NDE1: variants seen among roughly 807,000 people sequenced by gnomAD.
NDE1 encodes the protein nuclear distribution protein nudE homolog 1.
In NDE1, 28 loss-of-function variants were observed where a neutral mutation model predicts 43.4. That is an observed-to-expected ratio of 0.65 (90% CI 0.48 to 0.89). The LOEUF is 0.89. Among genes scored for constraint, NDE1 ranks in the 40% least tolerant of loss-of-function variants. The pLI is 0.00. For synonymous variants in NDE1, 184 were observed against 172.0 expected, an observed-to-expected ratio of 1.07 and a Z score of -0.55; for missense variants, 441 against 434.1, an observed-to-expected ratio of 1.02 and a Z score of -0.14.
intron 1 of NDE1, among the ~76,000 whole-genome samples, chr16:15,644,964 G>A (rs1266605094): frequency 6.9e-6 from 1 of 143,902 alleles, no homozygotes; most frequent in Admixed American, 7.1e-5. Context: ...TCATTGCCCA[G>A]GCTGGAGTGC....
At chr16:15,719,970 C>T (rs1201221224) in intron 8 of NDE1, among the ~76,000 whole-genome samples, 2 of 152,170 alleles carry the variant, frequency 1.3e-5, no homozygotes, top group Non-Finnish European at 2.9e-5. Context: ...CCTAATAATG[C>T]TGCCCTACCC....
rs543831175 is a variant in NDE1, at chr16:15,676,858, C to T, written c.238-943C>T. ...TTTATTTTTTGTAGAGGCCAGGTCT[C>T]ACTCTGTGAGCCGGGCTGGTGACTC... On this transcript the variant is annotated intron_variant, in intron 3 of 8. Transcript: ENST00000396354. Among the ~76,000 whole-genome samples, 21 of 152,222 alleles carry T rather than the reference C, an allele frequency of 1.4e-4. No individual in the cohort carries two copies. In the South Asian group the frequency reaches 4.4e-3, roughly 32 times the overall value.
intron 7 of NDE1, chr16:15,694,574 C>T (rs1395691812): frequency 1.1e-6 from 1 of 949,076 alleles, no homozygotes; most frequent in Non-Finnish European, 1.3e-6. Context: ...TCTTAAACTC[C>T]TGGCCTCAAG....
rs748806263 is a variant in NDE1, at chr16:15,717,232, C to T, written c.948-6959C>T. On this transcript the variant is annotated intron_variant, in intron 8 of 8. Coordinates refer to ENST00000396354, the MANE Select transcript of NDE1 (RefSeq NM_017668.3). ...TGAACTTGGACTTGACGGCCCCCTCCATCTCGTGGAGCTTGCTCCGGAGCT... is the reference window on the plus strand; with the variant it reads ...TGAACTTGGACTTGACGGCCCCCTCTATCTCGTGGAGCTTGCTCCGGAGCT... 1.5e-5 allele frequency: 24 copies of T among 1,614,096 alleles called. No homozygotes were observed. In the South Asian group the frequency reaches 2.4e-4, roughly 16 times the overall value.
intron 7 of NDE1, among the ~76,000 whole-genome samples, chr16:15,695,203 C>CTTTTTTTTTTTTTT (rs71134451): frequency 1.4e-3 from 115 of 79,612 alleles, no homozygotes; most frequent in African/African-American, 2.3e-3. Flanking sequence ...AAACTGCCAC[C>CTTTTTTTTTTTTTT]TTTTTTTTTT....
At chr16:15,681,919 G>A (rs951223414) in intron 4 of NDE1, among the ~76,000 whole-genome samples, 3 of 152,130 alleles carry the variant, frequency 2.0e-5, no homozygotes, top group Admixed American at 6.6e-5. Flanking sequence ...TCACCATGTT[G>A]GCCAGGCTGG....
At chr16:15,652,800 A>T (rs139657845) in intron 1 of NDE1, among the ~76,000 whole-genome samples, 103 of 152,102 alleles carry the variant, frequency 6.8e-4, no homozygotes, top group African/African-American at 2.4e-3. Flanking sequence ...AGTAGCTGGG[A>T]CTAAAAGCAC....
In NDE1 at chr16:15,720,977, C is replaced by T. The variant is rs763247849; in HGVS notation, c.948-3214C>T. ...CCTCCGTGGCTTGCAGCTCGTCCTCCAGCTCTTCCAGCTGCGTCTTCATCT... is the reference window on the plus strand; with the variant it reads ...CCTCCGTGGCTTGCAGCTCGTCCTCTAGCTCTTCCAGCTGCGTCTTCATCT... On this transcript the variant is annotated intron_variant, in intron 8 of 8. Coordinates refer to ENST00000396354, the MANE Select transcript of NDE1 (RefSeq NM_017668.3). 1.1e-5 allele frequency: 17 copies of T among 1,614,110 alleles called. No individual in the cohort carries two copies. Among genetic ancestry groups the T allele is most frequent in the Non-Finnish European group, 1.4e-5 (17 of 1,180,020 alleles).
chr16:15,721,476 C>T lies in NDE1; in HGVS notation c.948-2715C>T. 6.2e-7 allele frequency: 1 copy of T among 1,614,192 alleles called. No homozygotes were observed. The highest frequency in any genetic ancestry group is 8.5e-7 in the Non-Finnish European group (1 of 1,180,044). On this transcript the variant is annotated intron_variant, in intron 8 of 8. Coordinates refer to ENST00000396354, the MANE Select transcript of NDE1 (RefSeq NM_017668.3). ...CCAGGTCTTCCATTTCGGCTTTGAGCATTTTGTTGGTCCGCTCGAGTTCCT... is the reference window on the plus strand; with the variant it reads ...CCAGGTCTTCCATTTCGGCTTTGAGTATTTTGTTGGTCCGCTCGAGTTCCT...
intron 1 of NDE1, 131 bp from the exon 2 acceptor site, chr16:15,664,605 T>G: frequency 1.6e-6 from 1 of 632,400 alleles, no homozygotes; most frequent in Non-Finnish European, 2.8e-6. Context: ...TCCGCCCGCC[T>G]CAGCCTCCCA....
intron 8 of NDE1, chr16:15,717,217 C>A: frequency 1.2e-6 from 2 of 1,614,220 alleles, no homozygotes; most frequent in Non-Finnish European, 8.5e-7. Flanking sequence ...TGAACTTGGA[C>A]TTGACGGCCC....
At chr16:15,662,408 G>A (rs2037093243) in intron 1 of NDE1, among the ~76,000 whole-genome samples, 1 of 149,750 alleles carries the variant, frequency 6.7e-6, no homozygotes, top group Non-Finnish European at 1.5e-5. Flanking sequence ...TCAGCCTCCC[G>A]AGTAGCTGGG....
chr16:15,724,832 C>T lies in NDE1; in HGVS notation c.*581C>T. The T allele has an allele frequency of 1.9e-6, 3 of 1,613,684 alleles. No individual in the cohort carries two copies. The highest frequency in any genetic ancestry group is 2.5e-6 in the Non-Finnish European group (3 of 1,179,992). On this transcript the variant is annotated 3_prime_UTR_variant, in exon 9 of 9. Coordinates refer to ENST00000396354, the MANE Select transcript of NDE1 (RefSeq NM_017668.3). ...AGGGATGCAAAGAGGTCCCAGGGACCTGCCCCGAGGAAGGCCACCCCCCAG... is the reference window on the plus strand; with the variant it reads ...AGGGATGCAAAGAGGTCCCAGGGACTTGCCCCGAGGAAGGCCACCCCCCAG...
chr16:15,721,769 G>T, intron 8 of NDE1: 1 of 856,354 alleles, frequency 1.2e-6, no homozygotes, highest in Non-Finnish European at 1.9e-6. Context: ...TTAGCTATGG[G>T]AGTAATTTAT....
chr16:15,671,401 T>C (rs2037585664), intron 3 of NDE1, among the ~76,000 whole-genome samples: 1 of 152,140 alleles, frequency 6.6e-6, no homozygotes, highest in Non-Finnish European at 1.5e-5. Flanking sequence ...TCTAAGCTAC[T>C]CAAGAGGCTG....
intron 1 of NDE1, among the ~76,000 whole-genome samples, chr16:15,663,558 C>G (rs771911987): frequency 1.4e-4 from 21 of 152,216 alleles, no homozygotes; most frequent in Non-Finnish European, 2.9e-4. Flanking sequence ...TATTCTTTCA[C>G]ATGCTCCTCA....
At position 15,695,096 on chromosome 16, in the gene NDE1, G is replaced by C. The variant is rs531527427; in HGVS notation, c.795+840G>C. ...TACTCAGGAGGCTGAGAGGTGGGAG[G>C]ATTGCTTCAGCCTGGGAGGTTGAGG... is the stretch of plus-strand genomic sequence containing the variant. On this transcript the variant is annotated intron_variant, in intron 7 of 8. Coordinates refer to ENST00000396354, the MANE Select transcript of NDE1 (RefSeq NM_017668.3). Among the ~76,000 whole-genome samples, 56 of 151,814 alleles carry C rather than the reference G, an allele frequency of 3.7e-4. No homozygotes were observed. The Middle Eastern group carries it at 0.01, about 28-fold the overall frequency.
Position 15,718,338 on chromosome 16 carries a change from G to A in NDE1, c.948-5853G>A, listed in dbSNP as rs751148158. 8.7e-6 allele frequency: 14 copies of A among 1,608,856 alleles called. No individual in the cohort carries two copies. The highest frequency in any genetic ancestry group is 3.3e-5 in the South Asian group (3 of 90,974). On this transcript the variant is annotated intron_variant, in intron 8 of 8. Transcript: ENST00000396354. ...ACCTGCTGTGTGGCTTTGCGGACCC[G>A]GTCGCTCATGGCCTCCATGTTGCCC...
chr16:15,681,340 A>C (rs1278181925), intron 4 of NDE1, among the ~76,000 whole-genome samples: 1 of 127,120 alleles, frequency 7.9e-6, no homozygotes, highest in Non-Finnish European at 1.5e-5. Flanking sequence ...ATTACAGCTC[A>C]CTGGAGCCTT....
Sources: gnomAD v4.1 joint callset for allele counts (sites outside exome capture counted in the v4.1 genomes callset) on GRCh38, gnomAD v4.1.1 for gene constraint, MANE v1.5 for transcripts, NCBI Gene and HGNC (gene_info 2026-07-23, HGNC 2026-07-21) for gene names.